DIP2A: variants seen among roughly 807,000 people sequenced by gnomAD.
DIP2A encodes the protein disco-interacting protein 2 homolog A.
DIP2A carries 85 observed loss-of-function variants against 177.4 expected under a neutral mutation model. The observed-to-expected ratio is 0.48, with a 90% CI of 0.40 to 0.57. The LOEUF (loss-of-function observed/expected upper bound fraction) is 0.57. DIP2A is among the 20% of genes least tolerant of loss of function. The probability of loss-of-function intolerance (pLI) is 0.00; values close to 1 mark genes in which losing one functional copy is unlikely to be tolerated. For synonymous variants in DIP2A, 886 were observed against 881.8 expected, an observed-to-expected ratio of 1.00 and a Z score of -0.08; for missense variants, 1,791 against 2,100.2, an observed-to-expected ratio of 0.85 and a Z score of 2.88.
chr21:46,542,725 CG>C (rs1372549755), intron 18 of DIP2A, among the ~76,000 whole-genome samples: 5 of 152,240 alleles, frequency 3.3e-5, no homozygotes, highest in Non-Finnish European at 7.3e-5. Flanking sequence ...CTGGGGTTCA[CG>C]GGCAGCTGTC....
chr21:46,512,828 A>C (rs2058373646), intron 8 of DIP2A, among the ~76,000 whole-genome samples: 1 of 41,356 alleles, frequency 2.4e-5, no homozygotes, highest in East Asian at 5.5e-4. Context: ...AAACAAAAAA[A>C]ACTTTTTTTT....
intron 25 of DIP2A, 47 bp downstream of exon 25, chr21:46,551,951 G>A (rs2060289433): frequency 1.9e-6 from 3 of 1,544,404 alleles, no homozygotes; most frequent in Non-Finnish European, 2.6e-6. Flanking sequence ...CTGTGGGCCG[G>A]TGGAGCCCTT....
intron 32 of DIP2A, 123 bp downstream of exon 32, chr21:46,558,516 A>G (rs757306833): frequency 1.1e-5 from 10 of 942,470 alleles, no homozygotes; most frequent in Admixed American, 9.4e-5. Context: ...TGGGCCTTTG[A>G]TATCTCATTT....
chr21:46,545,531 G>T (rs1250899268), intron 19 of DIP2A, among the ~76,000 whole-genome samples: 2 of 152,208 alleles, frequency 1.3e-5, no homozygotes, highest in African/African-American at 4.8e-5. Context: ...ATGGGAGGAG[G>T]GTGTGTGGGT....
chr21:46,562,103 C>T (rs1384512975), intron 34 of DIP2A, among the ~76,000 whole-genome samples: 1 of 152,206 alleles, frequency 6.6e-6, no homozygotes, highest in Non-Finnish European at 1.5e-5. Context: ...GGGCCAGGGC[C>T]ATGGAGGGGG....
chr21:46,509,558 G>A (rs1055954303), intron 7 of DIP2A, among the ~76,000 whole-genome samples, 182 bp downstream of exon 7: 2 of 152,046 alleles, frequency 1.3e-5, no homozygotes, highest in African/African-American at 2.4e-5. Context: ...TATTTGAGCA[G>A]GTAGAAAATT....
chr21:46,525,685 C>A (rs1365212900), intron 8 of DIP2A: 1 of 151,854 alleles, frequency 6.6e-6, no homozygotes, highest in African/African-American at 2.4e-5. Context: ...GGTACCTGTG[C>A]AAGGATGACA....
chr21:46,542,245 A>G (rs2059848709), intron 18 of DIP2A, among the ~76,000 whole-genome samples: 1 of 152,212 alleles, frequency 6.6e-6, no homozygotes, highest in South Asian at 2.1e-4. Context: ...AGATGTGTAT[A>G]TGGCCTATGC....
chr21:46,470,966 C>A (rs916788203), intron 1 of DIP2A, among the ~76,000 whole-genome samples: 1 of 150,528 alleles, frequency 6.6e-6, no homozygotes, highest in Non-Finnish European at 1.5e-5. Context: ...ATTATTTGGT[C>A]ACTCTTCTAT....
rs2057458251 is a variant in DIP2A at position 46,498,186 on chromosome 21, C to G, written c.404-396C>G. Among the ~76,000 whole-genome samples, 1 of 152,150 alleles carries G rather than the reference C, an allele frequency of 6.6e-6. No homozygotes were observed. The highest frequency in any genetic ancestry group is 2.4e-5 in the African/African-American group (1 of 41,420). On this transcript the variant is annotated intron_variant, in intron 4 of 37. Transcript: ENST00000417564. This position sits in a 1 kb window ranked among gnomAD's most constrained non-coding sequence, Gnocchi z 4.3. ...GATGTAGGGCCGGGCACAGGCTCTC[C>G]CCTGGGTGATGCTGACTGATGTGTG... is the stretch of plus-strand genomic sequence containing the variant.
At chr21:46,511,922 G>A (rs921827540) in intron 8 of DIP2A, among the ~76,000 whole-genome samples, 33 of 152,060 alleles carry the variant, frequency 2.2e-4, no homozygotes, top group African/African-American at 8.0e-4. Context: ...ATTTCTGTGT[G>A]TTTGACATCT....
Position 46,498,250 on chromosome 21 carries a change from T to C in DIP2A, c.404-332T>C, listed in dbSNP as rs1026849899. ...ACTCTGTGGACATGCAGTGCAGCAC[T>C]GAATATTCACAGAACACCCCCACTG... On this transcript the variant is annotated intron_variant, in intron 4 of 37. Coordinates refer to ENST00000417564, the MANE Select transcript of DIP2A (RefSeq NM_015151.4). This position sits in a 1 kb window ranked among gnomAD's most constrained non-coding sequence, Gnocchi z 4.3. 3.9e-5 allele frequency among the ~76,000 whole-genome samples: 6 copies of C among 152,190 alleles called. No homozygotes were observed. Among genetic ancestry groups the C allele is most frequent in the African/African-American group, 1.4e-4 (6 of 41,448 alleles).
chr21:46,492,904 C>T (rs900008180), intron 3 of DIP2A, among the ~76,000 whole-genome samples: 35 of 150,672 alleles, frequency 2.3e-4, no homozygotes, highest in Admixed American at 8.6e-4. Context: ...TGCCCCACTG[C>T]ACTCCAGCCT....
At chr21:46,546,349 T>G in intron 20 of DIP2A, 1 of 1,029,306 alleles carries the variant, frequency 9.7e-7, no homozygotes, top group African/African-American at 1.7e-5. Context: ...ATTTTGCCCC[T>G]TCCCTCCCAG....
At chr21:46,469,510 G>A (rs1214382049) in intron 1 of DIP2A, among the ~76,000 whole-genome samples, 1 of 152,234 alleles carries the variant, frequency 6.6e-6, no homozygotes, top group African/African-American at 2.4e-5. Flanking sequence ...CCTCACTGGT[G>A]TGGAGCTCGA....
In DIP2A at chr21:46,533,478, G is replaced by T. The variant is rs911313194; in HGVS notation, c.1306-46G>T. The stretch of plus-strand genomic sequence containing the variant: ...GGAGCACCAAGGGTCTGGGGCTGTG[G>T]CTGCTGTGAGCACCCCACCCCACAC... On this transcript the variant is annotated intron_variant, in intron 10 of 37. Transcript: ENST00000417564. 4 of 1,594,220 alleles carry T rather than the reference G, an allele frequency of 2.5e-6. No homozygotes were observed. In the East Asian group the frequency reaches 9.0e-5, roughly 36 times the overall value.
chr21:46,501,732 C>G (rs896012201), intron 5 of DIP2A, among the ~76,000 whole-genome samples: 1 of 152,136 alleles, frequency 6.6e-6, no homozygotes, highest in African/African-American at 2.4e-5. Context: ...CATTATATAG[C>G]TGTTTTAAAA....
intron 8 of DIP2A, among the ~76,000 whole-genome samples, chr21:46,522,362 GCTTCAGGGTGGAGCT>G (rs2058858781): frequency 6.6e-6 from 1 of 152,202 alleles, no homozygotes; most frequent in African/African-American, 2.4e-5. Flanking sequence ...TGGATTACTG[GCTTCAGGGTGGAGCT>G]CTTTGCTAAA....
intron 25 of DIP2A, chr21:46,552,799 C>A (rs1348396925): frequency 6.6e-6 from 1 of 152,310 alleles, no homozygotes; most frequent in East Asian, 1.9e-4. Flanking sequence ...GCATCTAGAA[C>A]CATGCCCAGT....
Sources: gnomAD v4.1 joint callset for allele counts (sites outside exome capture counted in the v4.1 genomes callset) on GRCh38, gnomAD v4.1.1 for gene constraint, Gnocchi (gnomAD v3.1) non-coding constraint, MANE v1.5 for transcripts, NCBI Gene and HGNC (gene_info 2026-07-23, HGNC 2026-07-21) for gene names.